Variants in SCTR observed in about 807,000 individuals in gnomAD.
SCTR encodes pancreatic secretin receptor.
Under a neutral mutation model 60.8 loss-of-function variants are expected in SCTR, and 56 were observed. That is an observed-to-expected ratio of 0.92 (90% CI 0.74 to 1.15). The LOEUF (loss-of-function observed/expected upper bound fraction) is 1.15, where lower values mean the gene tolerates loss of function less well. Ranked by LOEUF, SCTR falls within the 50% of genes most tolerant of loss-of-function variation. The pLI is 0.00. For missense variants in SCTR, 562 were observed against 550.4 expected (o/e 1.02, Z -0.21); for synonymous variants, 202 against 217.0 (o/e 0.93, Z 0.61).
intron 1 of SCTR, among the ~76,000 whole-genome samples, chr2:119,505,498 C>T (rs1678709677): frequency 6.6e-6 from 1 of 150,428 alleles, no homozygotes; most frequent in African/African-American, 2.5e-5. Flanking sequence ...AAATGTGGCA[C>T]ATATACACCA....
chr2:119,478,714 C>T (rs930803386), intron 3 of SCTR, 97 bp downstream of exon 3: 11 of 1,062,862 alleles, frequency 1.0e-5, no homozygotes, highest in Non-Finnish European at 1.3e-5. Flanking sequence ...TACTTGTCCT[C>T]AGAGAAGGTT....
At chr2:119,445,857 C>T (rs752139586) in intron 11 of SCTR, among the ~76,000 whole-genome samples, 17 of 152,194 alleles carry the variant, frequency 1.1e-4, no homozygotes, top group Non-Finnish European at 2.2e-4. Context: ...AGAACTTTAT[C>T]GTATTTGTTT....
intron 3 of SCTR, among the ~76,000 whole-genome samples, chr2:119,474,614 C>A (rs1013903241): frequency 6.6e-6 from 1 of 152,202 alleles, no homozygotes; most frequent in Non-Finnish European, 1.5e-5. Context: ...ACAGCCCCAG[C>A]TGAGCGTGGC....
intron 1 of SCTR, among the ~76,000 whole-genome samples, chr2:119,517,872 A>G (rs905659720): frequency 2.6e-5 from 4 of 152,202 alleles, no homozygotes; most frequent in Admixed American, 1.3e-4. Context: ...CACTAAATTC[A>G]TATGTTGAAG....
At chr2:119,520,363 G>A (rs796854993) in intron 1 of SCTR, among the ~76,000 whole-genome samples, 1 of 152,322 alleles carries the variant, frequency 6.6e-6, no homozygotes, top group African/African-American at 2.4e-5. Flanking sequence ...GATGGGGATG[G>A]TGGCAGGTGT....
At chr2:119,520,603 A>G (rs1456982327) in intron 1 of SCTR, among the ~76,000 whole-genome samples, 1 of 152,160 alleles carries the variant, frequency 6.6e-6, no homozygotes, top group Admixed American at 6.6e-5. Context: ...AGCGACCACC[A>G]TGTACTGAAG....
At chr2:119,522,228 G>A (rs376443689) in intron 1 of SCTR, among the ~76,000 whole-genome samples, 6 of 152,208 alleles carry the variant, frequency 3.9e-5, no homozygotes, top group African/African-American at 7.2e-5. Context: ...CCTGGGAGGC[G>A]GAGGTTACAG....
At position 119,453,350 on chromosome 2, in the gene SCTR, G is replaced by A; in HGVS notation, c.791-3C>T. 2 of 1,612,490 alleles carry A rather than the reference G, an allele frequency of 1.2e-6. No homozygotes were observed. The highest frequency in any genetic ancestry group is 1.7e-6 in the Non-Finnish European group (2 of 1,178,566). Reference sequence around the variant, plus strand: ...AGCAACAAAAATGGCTGGAGAACCTGAGGATTAAAAACAAAGGGAGGGGCA... The same window carrying A: ...AGCAACAAAAATGGCTGGAGAACCTAAGGATTAAAAACAAAGGGAGGGGCA... On this transcript the variant is annotated splice_polypyrimidine_tract_variant and splice_region_variant and intron_variant, in intron 7 of 12. Transcript: ENST00000019103.
chr2:119,479,190 C>G (rs1558862074), intron 2 of SCTR: 10 of 980,978 alleles, frequency 1.0e-5, no homozygotes, highest in Non-Finnish European at 1.3e-5. Flanking sequence ...AAGGCGCCCT[C>G]TCCTATAAGC....
chr2:119,522,133 A>T (rs906167835), intron 1 of SCTR, among the ~76,000 whole-genome samples: 1 of 152,138 alleles, frequency 6.6e-6, no homozygotes, highest in South Asian at 2.1e-4. Flanking sequence ...CATCTCTACT[A>T]AAAATACAAA....
intron 4 of SCTR, among the ~76,000 whole-genome samples, chr2:119,469,534 A>G (rs1676899598): frequency 6.6e-6 from 1 of 152,066 alleles, no homozygotes; most frequent in South Asian, 2.1e-4. Flanking sequence ...TCTGTCATCC[A>G]GGCTGGAGTA....
In SCTR at chr2:119,478,878, A is replaced by G; in HGVS notation, c.234T>C (p.Ser78=). The G allele has an allele frequency of 6.2e-7, 1 of 1,614,178 alleles. No individual in the cohort carries two copies. Among genetic ancestry groups the G allele is most frequent in the Non-Finnish European group, 8.5e-7 (1 of 1,180,014 alleles). Residue 78 remains serine, a synonymous_variant, in exon 3 of 13, where the codon TCT becomes TCC. Coordinates refer to ENST00000019103, the MANE Select transcript of SCTR (RefSeq NM_002980.3). ...GMWDNISCWP[S]SVPGRMVEVE... The stretch of plus-strand genomic sequence containing the variant: ...CCTCCACCATCCGGCCCGGCACAGA[A>G]GAGGGCCAGCAGCTTATGTTGTCCC...
chr2:119,511,278 C>A (rs912706323), intron 1 of SCTR, among the ~76,000 whole-genome samples: 2 of 152,126 alleles, frequency 1.3e-5, no homozygotes, highest in African/African-American at 4.8e-5. Context: ...GACAGTCAAA[C>A]TTCCTATTAG....
intron 2 of SCTR, among the ~76,000 whole-genome samples, chr2:119,489,087 G>C (rs1239024796): frequency 6.6e-6 from 1 of 152,144 alleles, no homozygotes; most frequent in Admixed American, 6.5e-5. Context: ...ATCTGGCGTG[G>C]TCACTAGTCA....
chr2:119,494,617 G>A, intron 1 of SCTR, 69 bp from the exon 2 acceptor site: 1 of 1,549,906 alleles, frequency 6.5e-7, no homozygotes. Flanking sequence ...GGGAGAATGG[G>A]GCAAGACAAT....
chr2:119,513,967 A>G (rs914723460), intron 1 of SCTR, among the ~76,000 whole-genome samples: 8 of 152,330 alleles, frequency 5.3e-5, no homozygotes, highest in African/African-American at 1.9e-4. Flanking sequence ...AATTTTTTAA[A>G]GAAGAAGTGC....
chr2:119,440,340 G>A (rs1051967575), intron 12 of SCTR, 83 bp from the exon 13 acceptor site: 270 of 1,480,658 alleles, frequency 1.8e-4, no homozygotes, highest in Non-Finnish European at 1.3e-4. Context: ...GTGACTCCAC[G>A]CAGGCCCTGC....
chr2:119,517,638 G>A (rs1006450921), intron 1 of SCTR, among the ~76,000 whole-genome samples: 1 of 152,188 alleles, frequency 6.6e-6, no homozygotes, highest in African/African-American at 2.4e-5. Context: ...GCCACCAGGG[G>A]GCAGAGAGCA....
chr2:119,508,441 T>C (rs2587666), intron 1 of SCTR, among the ~76,000 whole-genome samples: 6,426 of 142,306 alleles, frequency 0.045, 354 homozygotes, highest in African/African-American at 0.12. Flanking sequence ...GGCTGAAGTG[T>C]AGTGATACAA....
Sources: gnomAD v4.1 joint callset for allele counts (sites outside exome capture counted in the v4.1 genomes callset) on GRCh38, gnomAD v4.1.1 for gene constraint, MANE v1.5 for transcripts, NCBI Gene and HGNC (gene_info 2026-07-23, HGNC 2026-07-21) for gene names.